The following GOLGA1 variants were observed in gnomAD, a reference collection of about 807,000 sequenced individuals.
The protein encoded by GOLGA1 is golgin subfamily A member 1.
Under a neutral mutation model 119.7 loss-of-function variants are expected in GOLGA1, and 63 were observed. That is an observed-to-expected ratio of 0.53 (90% CI 0.43 to 0.65). The LOEUF (loss-of-function observed/expected upper bound fraction) is 0.65, where lower values mean the gene tolerates loss of function less well. Ranked by LOEUF, GOLGA1 falls within the 30% of genes least tolerant of loss-of-function variation. The pLI is 0.00. For synonymous variants in GOLGA1, 318 were observed against 333.4 expected (o/e 0.95, Z 0.50); for missense variants, 798 against 912.8 (o/e 0.87, Z 1.62).
intron 1 of GOLGA1, chr9:124,947,666 C>A (rs781739207): frequency 2.0e-5 from 3 of 152,040 alleles, no homozygotes; most frequent in Non-Finnish European, 4.4e-5. Flanking sequence ...AAAGTATACA[C>A]AGAGATTGCA....
intron 19 of GOLGA1, among the ~76,000 whole-genome samples, chr9:124,886,016 A>G (rs999975687): frequency 1.4e-4 from 22 of 152,242 alleles, no homozygotes; most frequent in African/African-American, 5.1e-4. Context: ...GGATGCTGGT[A>G]GAGAAAGAAC....
intron 1 of GOLGA1, among the ~76,000 whole-genome samples, chr9:124,940,602 A>G (rs1588103763): frequency 6.6e-6 from 1 of 151,704 alleles, no homozygotes; most frequent in Admixed American, 6.6e-5. Flanking sequence ...ACCCCCAGGG[A>G]GGCAGGCAGG....
intron 3 of GOLGA1, among the ~76,000 whole-genome samples, chr9:124,932,967 T>C (rs1173202255): frequency 1.3e-5 from 2 of 152,120 alleles, no homozygotes; most frequent in African/African-American, 2.4e-5. Flanking sequence ...ATCACTCTAG[T>C]GATTAGGTTT....
chr9:124,890,372 C>A lies in GOLGA1; in HGVS notation c.1497+17G>T, dbSNP rs139716668. 35 of 1,563,646 alleles carry A rather than the reference C, an allele frequency of 2.2e-5. No homozygotes were observed. Among genetic ancestry groups the A allele is most frequent in the Non-Finnish European group, 2.5e-5 (28 of 1,134,026 alleles). Reference sequence around the variant, plus strand: ...ACTGCAGGGGGACATCGCCCCTCAGCGTGAAACAGGGCCCACCTGTTGCTG... The same window carrying A: ...ACTGCAGGGGGACATCGCCCCTCAGAGTGAAACAGGGCCCACCTGTTGCTG... On this transcript the variant is annotated intron_variant, in intron 16 of 22. Transcript: ENST00000373555.
intron 6 of GOLGA1, among the ~76,000 whole-genome samples, chr9:124,927,373 T>G (rs1380255347): frequency 6.6e-5 from 10 of 152,226 alleles, no homozygotes. Context: ...AGATTATTTC[T>G]TCATTTATAT....
intron 3 of GOLGA1, among the ~76,000 whole-genome samples, chr9:124,936,610 A>T (rs1830875710): frequency 7.4e-6 from 1 of 135,198 alleles, no homozygotes; most frequent in Non-Finnish European, 1.6e-5. Context: ...CAGGCAAATT[A>T]AAAAAAAAAA....
Position 124,888,216 on chromosome 9 carries a change from G to A in GOLGA1, c.1905+37C>T, listed in dbSNP as rs146146577. 1 of 1,604,550 alleles carries A rather than the reference G, an allele frequency of 6.2e-7. No individual in the cohort carries two copies. ...TTTTAGGCCTGAGGGTGAGGACCTG[G>A]TGGAGACAGAAACAGCCATGCAAAA... On this transcript the variant is annotated intron_variant, in intron 19 of 22. Coordinates refer to ENST00000373555, the MANE Select transcript of GOLGA1 (RefSeq NM_002077.4). The surrounding 1 kb of genome is among the most constrained non-coding windows in gnomAD (Gnocchi z 4.4).
At chr9:124,924,248 C>T (rs559754232) in intron 7 of GOLGA1, among the ~76,000 whole-genome samples, 18 of 151,566 alleles carry the variant, frequency 1.2e-4, no homozygotes, top group South Asian at 2.1e-4. Flanking sequence ...ATTAAATGCA[C>T]GTAGATTAAA....
chr9:124,945,897 G>C (rs1350215349), upstream of GOLGA1: 1 of 152,120 alleles, frequency 6.6e-6, no homozygotes, highest in Non-Finnish European at 1.5e-5. Flanking sequence ...ATCCAGGAAA[G>C]ACTGAGAGGT....
At chr9:124,925,501 G>A (rs984859857) in intron 7 of GOLGA1, among the ~76,000 whole-genome samples, 3 of 151,788 alleles carry the variant, frequency 2.0e-5, no homozygotes, top group African/African-American at 7.3e-5. Flanking sequence ...GGATCACTTT[G>A]GTCTAGGAGT....
intron 7 of GOLGA1, among the ~76,000 whole-genome samples, chr9:124,923,797 A>G (rs940334699): frequency 5.9e-5 from 9 of 152,068 alleles, no homozygotes; most frequent in African/African-American, 1.9e-4. Context: ...GTAGAACTTT[A>G]AAGTTCTTAC....
At chr9:124,900,358 G>A (rs547641443) in intron 13 of GOLGA1, 94 bp downstream of exon 13, 12 of 706,770 alleles carry the variant, frequency 1.7e-5, no homozygotes, top group African/African-American at 8.8e-5. Context: ...TCCAGGTACC[G>A]TTGCCGAAGT....
At chr9:124,891,472 C>T (rs1310356182) in intron 15 of GOLGA1, among the ~76,000 whole-genome samples, 3 of 152,206 alleles carry the variant, frequency 2.0e-5, no homozygotes, top group Admixed American at 6.5e-5. Flanking sequence ...AATCTACCAT[C>T]GTAGTGGAAG....
At chr9:124,912,790 C>T (rs1830366588) in intron 10 of GOLGA1, among the ~76,000 whole-genome samples, 1 of 152,200 alleles carries the variant, frequency 6.6e-6, no homozygotes, top group Non-Finnish European at 1.5e-5. Flanking sequence ...GATCCACTAG[C>T]CTCGGCCTCC....
intron 15 of GOLGA1, 122 bp downstream of exon 15, chr9:124,898,427 A>G: frequency 1.6e-6 from 1 of 639,450 alleles, no homozygotes. Flanking sequence ...GCCTAACAGA[A>G]CTATTGAACA....
intron 3 of GOLGA1, among the ~76,000 whole-genome samples, chr9:124,938,230 A>G (rs1025777317): frequency 1.3e-5 from 2 of 152,230 alleles, no homozygotes; most frequent in African/African-American, 4.8e-5. Flanking sequence ...GCAATGACTT[A>G]GTTGTTATAT....
chr9:124,903,651 C>CAAAAAAAAAAAAAAAAAAAAAA (rs11435294), intron 12 of GOLGA1, among the ~76,000 whole-genome samples: 1 of 91,282 alleles, frequency 1.1e-5, no homozygotes. Flanking sequence ...AGAAAAAGAC[C>CAAAAAAAAAAAAAAAAAAAAAA]AAAAAAAAAA....
At chr9:124,914,967 CCTT>C (rs1180215156) in intron 10 of GOLGA1, among the ~76,000 whole-genome samples, 1 of 152,232 alleles carries the variant, frequency 6.6e-6, no homozygotes, top group Non-Finnish European at 1.5e-5. Context: ...TATGCGATCT[CCTT>C]CTCCAGGCTG....
Position 124,889,461 on chromosome 9 carries a change from CTTT to C in GOLGA1, c.1570_1572del (p.Lys524del). 1 of 1,613,620 alleles carries C rather than the reference CTTT, an allele frequency of 6.2e-7. No individual in the cohort carries two copies. Among genetic ancestry groups the C allele is most frequent in the Non-Finnish European group, 8.5e-7 (1 of 1,179,470 alleles). The stretch of plus-strand genomic sequence containing the variant: ...CGCTCCAGCTGGAGAATCTCCTGCT[CTTT>C]CTGGAGAAGCACTTCGGTTTTTTCC... On this transcript the variant is annotated inframe_deletion, in exon 17 of 23. Transcript: ENST00000373555.
Sources: gnomAD v4.1 joint callset for allele counts (sites outside exome capture counted in the v4.1 genomes callset) on GRCh38, gnomAD v4.1.1 for gene constraint, Gnocchi (gnomAD v3.1) non-coding constraint, MANE v1.5 for transcripts, NCBI Gene and HGNC (gene_info 2026-07-23, HGNC 2026-07-21) for gene names.